Variants in ACYP2 observed in about 807,000 individuals in gnomAD.
The protein encoded by ACYP2 is acylphosphatase-2.
Under a neutral mutation model 11.2 loss-of-function variants are expected in ACYP2, and 12 were observed. The observed-to-expected ratio is 1.08, with a 90% confidence interval of 0.69 to 1.74. ACYP2 has a LOEUF of 1.74. Ranked by LOEUF, ACYP2 falls within the 40% of genes most tolerant of loss-of-function variation. The probability of loss-of-function intolerance (pLI) is 0.00; values close to 1 mark genes in which losing one functional copy is unlikely to be tolerated. For missense variants in ACYP2, 134 were observed against 101.9 expected, an observed-to-expected ratio of 1.31 and a Z score of -1.35; for synonymous variants, 43 against 32.2, an observed-to-expected ratio of 1.33 and a Z score of -1.13.
chr2:54,226,853 C>T (rs565505529), intron 6 of ACYP2, among the ~76,000 whole-genome samples: 1 of 152,312 alleles, frequency 6.6e-6, no homozygotes, highest in East Asian at 1.9e-4. Context: ...ATTTATATAG[C>T]ATTCCTAGTA....
chr2:53,991,490 C>T (rs909599301), intron 2 of ACYP2, among the ~76,000 whole-genome samples: 1 of 151,700 alleles, frequency 6.6e-6, no homozygotes, highest in Non-Finnish European at 1.5e-5. Flanking sequence ...ACTGCAACCT[C>T]TGCCTCCTAG....
At chr2:54,228,901 G>A (rs1426317388) in intron 6 of ACYP2, among the ~76,000 whole-genome samples, 1 of 152,128 alleles carries the variant, frequency 6.6e-6, no homozygotes, top group Non-Finnish European at 1.5e-5. Flanking sequence ...AGTAACAGTG[G>A]ACTGGAATAA....
At chr2:54,132,964 G>C (rs1454502279) in intron 4 of ACYP2, among the ~76,000 whole-genome samples, 2 of 152,048 alleles carry the variant, frequency 1.3e-5, no homozygotes, top group Non-Finnish European at 2.9e-5. Context: ...GGCTGGTCTT[G>C]AACTCCTGAC....
At chr2:54,139,999 A>G (rs973238549) in intron 6 of ACYP2, among the ~76,000 whole-genome samples, 3 of 152,152 alleles carry the variant, frequency 2.0e-5, no homozygotes, top group African/African-American at 7.2e-5. Context: ...ATAATTATCA[A>G]CTCCTTATTT....
chr2:54,125,631 T>A (rs960211145), intron 4 of ACYP2, among the ~76,000 whole-genome samples: 1 of 151,978 alleles, frequency 6.6e-6, no homozygotes, highest in Admixed American at 6.6e-5. Context: ...GCGCCTGTAA[T>A]CCCAGCTACT....
intron 4 of ACYP2, among the ~76,000 whole-genome samples, chr2:54,092,551 T>A (rs774939094): frequency 6.6e-6 from 1 of 152,040 alleles, no homozygotes. Context: ...TAGAGCAGCA[T>A]AGGTGCTAGG....
At chr2:54,249,485 C>T (rs1416400140) in intron 6 of ACYP2, among the ~76,000 whole-genome samples, 2 of 150,570 alleles carry the variant, frequency 1.3e-5, no homozygotes, top group Non-Finnish European at 2.9e-5. Flanking sequence ...CTCTAGTTTA[C>T]ATTCTCCGTC....
intron 2 of ACYP2, among the ~76,000 whole-genome samples, chr2:54,039,478 G>T (rs1675106414): frequency 6.6e-6 from 1 of 151,836 alleles, no homozygotes; most frequent in African/African-American, 2.4e-5. Flanking sequence ...TTTTTCTAGA[G>T]ATGGGGTTTC....
At chr2:54,129,150 A>C (rs1680742714) in intron 4 of ACYP2, among the ~76,000 whole-genome samples, 5 of 152,230 alleles carry the variant, frequency 3.3e-5, no homozygotes, top group Admixed American at 2.0e-4. Flanking sequence ...ACATGATGCA[A>C]ATATTATGCA....
chr2:54,234,005 T>A (rs1409702891), intron 6 of ACYP2, among the ~76,000 whole-genome samples: 2 of 152,192 alleles, frequency 1.3e-5, no homozygotes, highest in African/African-American at 4.8e-5. Context: ...TGAAGAAAAG[T>A]GGGTGCCCTT....
intron 4 of ACYP2, among the ~76,000 whole-genome samples, chr2:54,102,433 A>C (rs1678944773): frequency 6.6e-6 from 1 of 152,130 alleles, no homozygotes; most frequent in Non-Finnish European, 1.5e-5. Flanking sequence ...ATGATGTCAC[A>C]GAAAGTGCTA....
intron 4 of ACYP2, among the ~76,000 whole-genome samples, chr2:54,068,367 T>C (rs1180769391): frequency 6.6e-5 from 10 of 152,212 alleles, no homozygotes; most frequent in Admixed American, 6.5e-4. Flanking sequence ...CCACCTCTGG[T>C]CACAGGTAGG....
chr2:54,126,105 A>C (rs905300186), intron 4 of ACYP2, among the ~76,000 whole-genome samples: 2 of 152,180 alleles, frequency 1.3e-5, no homozygotes, highest in Non-Finnish European at 2.9e-5. Context: ...AATAAAAATA[A>C]AAAGGAGATT....
intron 6 of ACYP2, among the ~76,000 whole-genome samples, chr2:54,206,392 A>G (rs1193745452): frequency 6.6e-6 from 1 of 152,144 alleles, no homozygotes; most frequent in Non-Finnish European, 1.5e-5. Flanking sequence ...TTATTCTCCT[A>G]TCCACTTAAA....
At chr2:54,202,954 C>T (rs1684918915) in intron 6 of ACYP2, among the ~76,000 whole-genome samples, 1 of 151,640 alleles carries the variant, frequency 6.6e-6, no homozygotes, top group African/African-American at 2.4e-5. Context: ...ATTCGTGTTG[C>T]CTTGCAAATC....
At chr2:54,210,867 T>G (rs1685305577) in intron 6 of ACYP2, among the ~76,000 whole-genome samples, 1 of 152,198 alleles carries the variant, frequency 6.6e-6, no homozygotes, top group African/African-American at 2.4e-5. Context: ...AATAGGCATC[T>G]GATGCAATTG....
intron 4 of ACYP2, among the ~76,000 whole-genome samples, chr2:54,107,638 G>A (rs1679237180): frequency 6.6e-6 from 1 of 152,176 alleles, no homozygotes; most frequent in African/African-American, 2.4e-5. Flanking sequence ...TGTTGGCAGG[G>A]CTAATGAAAG....
chr2:54,011,623 G>T (rs993775738), intron 2 of ACYP2, among the ~76,000 whole-genome samples: 2 of 152,104 alleles, frequency 1.3e-5, no homozygotes, highest in East Asian at 3.9e-4. Context: ...AGTGGAAAAT[G>T]GTCTGTGTCA....
chr2:54,123,468 A>G (rs1680273687), intron 4 of ACYP2: 1 of 398,552 alleles, frequency 2.5e-6, no homozygotes, highest in Non-Finnish European at 4.4e-6. Flanking sequence ...TGTGTGTGGC[A>G]TTAACAAAAT....
Sources: allele counts gnomAD v4.1 joint callset (sites outside exome capture counted in the v4.1 genomes callset), GRCh38; gene constraint gnomAD v4.1.1; transcripts MANE v1.5; gene names NCBI Gene and HGNC (gene_info 2026-07-23, HGNC 2026-07-21).